Variants in GDNF observed in about 807,000 individuals in gnomAD.
GDNF encodes the protein glial cell derived neurotrophic factor, also known as glial cell line-derived neurotrophic factor.
In GDNF, 5 loss-of-function variants were observed where a neutral mutation model predicts 13.7. The observed-to-expected ratio is 0.36, with a 90% confidence interval of 0.19 to 0.77. GDNF has a LOEUF of 0.77. Among genes scored for constraint, GDNF ranks in the 30% least tolerant of loss-of-function variants. The pLI, the probability that GDNF is intolerant of heterozygous loss-of-function variation, is 0.51. For missense variants in GDNF, 246 were observed against 274.3 expected (o/e 0.90, Z 0.73); for synonymous variants, 122 against 112.5 (o/e 1.08, Z -0.53).
intron 2 of GDNF, among the ~76,000 whole-genome samples, chr5:37,818,348 AT>A (rs1274336565): frequency 6.6e-6 from 1 of 152,182 alleles, no homozygotes; most frequent in Non-Finnish European, 1.5e-5. Context: ...GTAATAATGA[AT>A]AAGTCTCATG....
Position 37,839,317 on chromosome 5 carries a change from C to T in GDNF, c.-27+190G>A, listed in dbSNP as rs1750816127. Among the ~76,000 whole-genome samples, 1 of 152,206 alleles carries T rather than the reference C, an allele frequency of 6.6e-6. No homozygotes were observed. Among genetic ancestry groups the T allele is most frequent in the African/African-American group, 2.4e-5 (1 of 41,454 alleles). On this transcript the variant is annotated intron_variant, in intron 1 of 2. Transcript: ENST00000326524. The surrounding 1 kb of genome is among the most constrained non-coding windows in gnomAD (Gnocchi z 5.5). ...CAACATGCCCCTCCGAAAGGCCGGC[C>T]TCTCTCCGGTTCTACTTTTCTCTCT...
intron 2 of GDNF, among the ~76,000 whole-genome samples, chr5:37,832,563 A>C (rs1750558410): frequency 6.6e-6 from 1 of 152,194 alleles, no homozygotes; most frequent in African/African-American, 2.4e-5. Context: ...TTTGCTGTTC[A>C]AATGTAAATA....
rs1227567343 is a variant in GDNF at position 37,837,112 on chromosome 5, G to A, written c.-26-2290C>T. On this transcript the variant is annotated intron_variant, in intron 1 of 2. Coordinates refer to ENST00000326524, the MANE Select transcript of GDNF (RefSeq NM_000514.4). This position sits in a 1 kb window ranked among gnomAD's most constrained non-coding sequence, Gnocchi z 6.5. Reference sequence around the variant, plus strand: ...TCGGTATTTGCTGGGCGGGGGAAAAGGGGGGAGGTTGGGGGACTCGGCACA... The same window carrying A: ...TCGGTATTTGCTGGGCGGGGGAAAAAGGGGGAGGTTGGGGGACTCGGCACA... Among the ~76,000 whole-genome samples the A allele has an allele frequency of 1.3e-5, 2 of 152,204 alleles. No homozygotes were observed. Among genetic ancestry groups the A allele is most frequent in the Non-Finnish European group, 2.9e-5 (2 of 68,024 alleles).
chr5:37,816,161 G>T (rs773915682), intron 2 of GDNF, 26 bp from the exon 3 acceptor site: 7 of 1,611,640 alleles, frequency 4.3e-6, no homozygotes, highest in Non-Finnish European at 5.1e-6. Flanking sequence ...AGAGAAAATG[G>T]CACATGAGAC....
intron 1 of GDNF, chr5:37,835,834 T>C (rs1750684862): frequency 3.0e-6 from 2 of 662,068 alleles, no homozygotes; most frequent in South Asian, 1.7e-5. Flanking sequence ...TTGGAGGTGC[T>C]CTGGCACTGG....
chr5:37,830,484 G>T (rs574460893), intron 2 of GDNF, among the ~76,000 whole-genome samples: 1 of 152,308 alleles, frequency 6.6e-6, no homozygotes, highest in East Asian at 1.9e-4. Flanking sequence ...GACTGCCTAC[G>T]TGCTGACCAA....
intron 2 of GDNF, among the ~76,000 whole-genome samples, chr5:37,829,234 T>C (rs1581586711): frequency 6.6e-6 from 1 of 152,192 alleles, no homozygotes. Flanking sequence ...AATTTTCCCA[T>C]GCTACTCCCT....
chr5:37,833,499 GC>G (rs1750594147), intron 2 of GDNF, among the ~76,000 whole-genome samples: 1 of 152,168 alleles, frequency 6.6e-6, no homozygotes, highest in African/African-American at 2.4e-5. Context: ...GGAAGAAGGT[GC>G]TTTTGTTGCT....
At position 37,834,652 on chromosome 5, in the gene GDNF, T is replaced by C; in HGVS notation, c.145A>G (p.Ser49Gly). Residue 49 changes from serine to glycine, a missense_variant, in exon 2 of 3, where the codon AGT becomes GGT. Transcript: ENST00000326524. ...GRRRAPFALS[S>G]DSNMPEDYPD... Reference sequence around the variant, plus strand: ...GGGAGGGAACGGTTCTTACAGTCACTGCTCAGCGCGAAGGGCGCGCGGCGG... The same window carrying C: ...GGGAGGGAACGGTTCTTACAGTCACCGCTCAGCGCGAAGGGCGCGCGGCGG... The C allele has an allele frequency of 1.3e-6, 2 of 1,592,224 alleles. No homozygotes were observed. Among genetic ancestry groups the C allele is most frequent in the Non-Finnish European group, 1.7e-6 (2 of 1,170,246 alleles).
At chr5:37,821,306 T>C (rs1750131361) in intron 2 of GDNF, among the ~76,000 whole-genome samples, 1 of 152,112 alleles carries the variant, frequency 6.6e-6, no homozygotes, top group African/African-American at 2.4e-5. Context: ...TTGGATTCGT[T>C]CCCTAAATTA....
Position 37,815,484 on chromosome 5 carries a change from G to A in GDNF, c.*167C>T. On this transcript the variant is annotated 3_prime_UTR_variant, in exon 3 of 3. Transcript: ENST00000326524. This position sits in a 1 kb window ranked among gnomAD's most constrained non-coding sequence, Gnocchi z 5.0. ...CCTCTACCAGGCTCCCATGATGGCT[G>A]CCTTCCTCCTCCTCCTCCTCCTCCT... 1 of 639,664 alleles carries A rather than the reference G, an allele frequency of 1.6e-6. No individual in the cohort carries two copies. The highest frequency in any genetic ancestry group is 2.8e-6 in the Non-Finnish European group (1 of 363,084). The allele number at this position is 639,664 out of a possible 1,614,324, so 39.6% of individuals were successfully genotyped here. A position where few individuals can be genotyped will look rare whatever the true frequency, so the allele number is the denominator to read the frequency against.
chr5:37,817,953 C>T (rs1218727315), intron 2 of GDNF, among the ~76,000 whole-genome samples: 3 of 152,226 alleles, frequency 2.0e-5, no homozygotes, highest in Non-Finnish European at 4.4e-5. Context: ...AAGCCCAAAT[C>T]CACACTGGCC....
rs1750743358 is a variant in GDNF at position 37,837,353 on chromosome 5, C to T, written c.-27+2154G>A. On this transcript the variant is annotated intron_variant, in intron 1 of 2. Coordinates refer to ENST00000326524, the MANE Select transcript of GDNF (RefSeq NM_000514.4). The surrounding 1 kb of genome is among the most constrained non-coding windows in gnomAD (Gnocchi z 6.5). ...TCAAGTGACGGGGGCTCTGCTCTGC[C>T]AGGTGACCGCGCACCATTTCTCGTG... 6.6e-6 allele frequency among the ~76,000 whole-genome samples: 1 copy of T among 152,218 alleles called. No individual in the cohort carries two copies. The highest frequency in any genetic ancestry group is 6.5e-5 in the Admixed American group (1 of 15,288).
rs950649769 is a variant in GDNF, at chr5:37,839,043, G to C, written c.-27+464C>G. ...TTTGCAGCAGCCCCTCCCCCGGCCTGCGCTTTTCCTTGGCACAGATCAAAA... is the reference window on the plus strand; with the variant it reads ...TTTGCAGCAGCCCCTCCCCCGGCCTCCGCTTTTCCTTGGCACAGATCAAAA... On this transcript the variant is annotated intron_variant, in intron 1 of 2. Coordinates refer to ENST00000326524, the MANE Select transcript of GDNF (RefSeq NM_000514.4). This position sits in a 1 kb window ranked among gnomAD's most constrained non-coding sequence, Gnocchi z 5.5. Among the ~76,000 whole-genome samples the C allele has an allele frequency of 2.0e-5, 3 of 152,126 alleles. No individual in the cohort carries two copies. Among genetic ancestry groups the C allele is most frequent in the Non-Finnish European group, 2.9e-5 (2 of 68,030 alleles).
At chr5:37,821,779 A>G (rs892446398) in intron 2 of GDNF, among the ~76,000 whole-genome samples, 2 of 152,240 alleles carry the variant, frequency 1.3e-5, no homozygotes, top group African/African-American at 4.8e-5. Flanking sequence ...GGACTGAGAT[A>G]GTGACTATTT....
At chr5:37,836,975 G>C (rs1431663653) in intron 1 of GDNF, among the ~76,000 whole-genome samples, 2 of 152,220 alleles carry the variant, frequency 1.3e-5, no homozygotes, top group South Asian at 2.1e-4. Flanking sequence ...GCCCTCGGCC[G>C]AGCGCCGCCA....
chr5:37,828,175 T>C (rs1468274820), intron 2 of GDNF, among the ~76,000 whole-genome samples: 1 of 152,314 alleles, frequency 6.6e-6, no homozygotes, highest in East Asian at 1.9e-4. Flanking sequence ...ATCCCCTCGC[T>C]GGGCAGAATG....
Position 37,815,867 on chromosome 5 carries a change from C to G in GDNF, c.420G>C (p.Leu140=). Residue 140 remains leucine, a synonymous_variant, in exon 3 of 3, where the codon CTG becomes CTC. Coordinates refer to ENST00000326524, the MANE Select transcript of GDNF (RefSeq NM_000514.4). The surrounding 1 kb of genome is among the most constrained non-coding windows in gnomAD (Gnocchi z 5.0). ...LGLGYETKEE[L]IFRYCSGSCD... ...AAGAGCCGCTGCAGTACCTAAAAAT[C>G]AGTTCCTCCTTGGTTTCATAGCCCA... The G allele has an allele frequency of 6.2e-7, 1 of 1,614,198 alleles. No homozygotes were observed. The highest frequency in any genetic ancestry group is 8.5e-7 in the Non-Finnish European group (1 of 1,180,042).
At position 37,815,249 on chromosome 5, in the gene GDNF, A is replaced by G. The variant is rs1326874312; in HGVS notation, c.*402T>C. 7.7e-6 allele frequency: 2 copies of G among 261,020 alleles called. No individual in the cohort carries two copies. Among genetic ancestry groups the G allele is most frequent in the African/African-American group, 2.2e-5 (1 of 44,894 alleles). The allele number at this position is 261,020 out of a possible 1,614,324, so 16.2% of individuals were successfully genotyped here. On this transcript the variant is annotated 3_prime_UTR_variant, in exon 3 of 3. Transcript: ENST00000326524. This position sits in a 1 kb window ranked among gnomAD's most constrained non-coding sequence, Gnocchi z 5.0. The stretch of plus-strand genomic sequence containing the variant: ...TCCCTGGTGTCTTCGGACACATGAA[A>G]ACAAATCACAGGAGATACACTGGTT...
Sources: gnomAD v4.1 joint callset for allele counts (sites outside exome capture counted in the v4.1 genomes callset) on GRCh38, gnomAD v4.1.1 for gene constraint, Gnocchi (gnomAD v3.1) non-coding constraint, MANE v1.5 for transcripts, NCBI Gene and HGNC (gene_info 2026-07-23, HGNC 2026-07-21) for gene names.